Variants in PKD2 observed in about 807,000 individuals in gnomAD.
PKD2 encodes polycystin 2, transient receptor potential cation channel.
A neutral mutation model predicts 105.9 loss-of-function variants in PKD2; 48 were observed. That is an observed-to-expected ratio of 0.45 (90% confidence interval 0.36 to 0.58). The LOEUF (loss-of-function observed/expected upper bound fraction) is 0.58. Ranked by LOEUF, PKD2 falls within the 20% of genes least tolerant of loss-of-function variation. The probability of loss-of-function intolerance (pLI) is 0.00; values close to 1 mark genes in which losing one functional copy is unlikely to be tolerated. For missense variants in PKD2, 1,078 were observed against 1,255.3 expected, an observed-to-expected ratio of 0.86 and a Z score of 2.13; for synonymous variants, 464 against 481.1, an observed-to-expected ratio of 0.96 and a Z score of 0.46.
At chr4:88,050,025 A>C (rs1486017150) in intron 6 of PKD2, among the ~76,000 whole-genome samples, 2 of 129,688 alleles carry the variant, frequency 1.5e-5, no homozygotes, top group Non-Finnish European at 3.1e-5. Context: ...CCCAGACTGG[A>C]GTACAGTGGC....
chr4:88,049,873 C>T (rs1056953544), intron 6 of PKD2, among the ~76,000 whole-genome samples: 2 of 151,410 alleles, frequency 1.3e-5, no homozygotes, highest in Middle Eastern at 3.2e-3. Context: ...GAGCAATAGT[C>T]TTTCAAAACT....
intron 2 of PKD2, 47 bp downstream of exon 2, chr4:88,019,618 T>C (rs749127642): frequency 3.9e-6 from 4 of 1,026,164 alleles, no homozygotes; most frequent in Non-Finnish European, 3.1e-6. Flanking sequence ...TTGAAAAGAT[T>C]TGACCTATCC....
In PKD2 at chr4:88,007,668, G is replaced by T. The variant is rs1726214186; in HGVS notation, c.-66G>T. ...GCGGGCGCCGGGAAGAAAGGAACAT[G>T]GCTCCTGAGGCGCACAGCGCCGAGC... On this transcript the variant is annotated 5_prime_UTR_variant, in exon 1 of 15. It removes an upstream start codon present in the reference 5' UTR. Coordinates refer to ENST00000237596, the MANE Select transcript of PKD2 (RefSeq NM_000297.4). The T allele has an allele frequency of 3.8e-6, 4 of 1,039,808 alleles. No individual in the cohort carries two copies. The highest frequency in any genetic ancestry group is 3.4e-4 in the Middle Eastern group (1 of 2,908). The allele number at this position is 1,039,808 out of a possible 1,614,324, so 64.4% of individuals were successfully genotyped here. A position where few individuals can be genotyped will look rare whatever the true frequency, so the allele number is the denominator to read the frequency against.
intron 2 of PKD2, among the ~76,000 whole-genome samples, chr4:88,032,448 G>C (rs1308600464): frequency 6.6e-6 from 1 of 152,170 alleles, no homozygotes; most frequent in Non-Finnish European, 1.5e-5. Flanking sequence ...CAGATCGTTT[G>C]AGCCCAGCAC....
intron 13 of PKD2, among the ~76,000 whole-genome samples, chr4:88,071,145 T>C (rs1472423117): frequency 6.6e-6 from 1 of 151,960 alleles, no homozygotes; most frequent in African/African-American, 2.4e-5. Context: ...AGCCTCGAAC[T>C]CCTGAACTCA....
In PKD2 at chr4:88,054,071, A is replaced by ATAATAATAATCAAGATAG. The variant is rs1323054148; in HGVS notation, c.1716+1948_1717-1963dup. Among the ~76,000 whole-genome samples the ATAATAATAATCAAGATAG allele has an allele frequency of 7.4e-3, 1,125 of 151,720 alleles. 15 individuals carry two copies. The highest frequency in any genetic ancestry group is 0.026 in the African/African-American group (1,049 of 41,092). Reference sequence around the variant, plus strand: ...AGTTTCCTTGATTATTATTAGTTTAATAATAATAATCAAGATAGTAATAAT... The same window carrying ATAATAATAATCAAGATAG: ...AGTTTCCTTGATTATTATTAGTTTAATAATAATAATCAAGATAGTAATAATAATCAAGATAGTAATAAT... On this transcript the variant is annotated intron_variant, in intron 7 of 14. Transcript: ENST00000237596.
chr4:88,038,064 C>G (rs1233917807), intron 3 of PKD2, among the ~76,000 whole-genome samples, 187 bp from the exon 4 acceptor site: 1 of 152,216 alleles, frequency 6.6e-6, no homozygotes, highest in Non-Finnish European at 1.5e-5. Flanking sequence ...GGACCCTGCT[C>G]AAGGCCTCAT....
At chr4:88,065,659 C>A in intron 11 of PKD2, 103 bp from the exon 12 acceptor site, 1 of 1,170,828 alleles carries the variant, frequency 8.5e-7, no homozygotes, top group Non-Finnish European at 1.3e-6. Context: ...AACTTGCCCC[C>A]ATTTGGTGAT....
chr4:88,065,523 A>G, intron 11 of PKD2, 28 bp downstream of exon 11: 1 of 1,610,678 alleles, frequency 6.2e-7, no homozygotes, highest in East Asian at 2.2e-5. Flanking sequence ...TGAGGTTCTG[A>G]AAAATTCCTG....
chr4:88,033,313 G>A (rs913565139), intron 2 of PKD2, among the ~76,000 whole-genome samples: 5 of 151,978 alleles, frequency 3.3e-5, no homozygotes, highest in Admixed American at 1.3e-4. Flanking sequence ...TGTAGTCCCA[G>A]GTACTCAGGA....
chr4:88,069,068 C>G (rs564515549), intron 13 of PKD2, among the ~76,000 whole-genome samples: 1 of 152,046 alleles, frequency 6.6e-6, no homozygotes, highest in African/African-American at 2.4e-5. Context: ...TAGTAAAATT[C>G]TTTGTTTTAA....
chr4:88,008,370 A>ACGGCCGGCGC, intron 1 of PKD2, 42 bp downstream of exon 1: 1 of 1,280,696 alleles, frequency 7.8e-7, no homozygotes, highest in Non-Finnish European at 1.0e-6. Context: ...ACGAACCAGA[A>ACGGCCGGCGC]CGGCCGGCGC....
Position 88,065,873 on chromosome 4 carries a change from A to G in PKD2, c.2352A>G (p.Lys784=), listed in dbSNP as rs1333908005. The G allele has an allele frequency of 6.3e-7, 1 of 1,589,804 alleles. No individual in the cohort carries two copies. The highest frequency in any genetic ancestry group is 8.6e-7 in the Non-Finnish European group (1 of 1,157,834). The change falls in exon 12 of 15, where the codon AAA becomes AAG. Residue 784 remains lysine, a synonymous_variant. Transcript: ENST00000237596. ...EHQQMRDDLE[K]EREDLDLDHS... is the part of the protein sequence containing the mutation. ...AGCAGATGAGAGACGACTTGGAGAA[A>G]GAGAGGGTGGGTCTGGTTTAGGAGA...
intron 13 of PKD2, among the ~76,000 whole-genome samples, chr4:88,071,652 G>T (rs1027833241): frequency 1.3e-5 from 2 of 151,928 alleles, no homozygotes; most frequent in African/African-American, 4.8e-5. Flanking sequence ...CCCAGGACTT[G>T]TTTTTATTTC....
At position 88,072,659 on chromosome 4, in the gene PKD2, T is replaced by G. The variant is rs1252164875; in HGVS notation, c.2523-2153T>G. 2.0e-5 allele frequency among the ~76,000 whole-genome samples: 3 copies of G among 152,280 alleles called. No homozygotes were observed. The East Asian group carries it at 5.8e-4, about 29-fold the overall frequency. ...TTCTTCTGGCATGGAAACTCCACCCTACAAGTGGGAACTGAGTGGAAGAAG... is the reference window on the plus strand; with the variant it reads ...TTCTTCTGGCATGGAAACTCCACCCGACAAGTGGGAACTGAGTGGAAGAAG... On this transcript the variant is annotated intron_variant, in intron 13 of 14. Coordinates refer to ENST00000237596, the MANE Select transcript of PKD2 (RefSeq NM_000297.4).
chr4:88,022,579 G>A (rs1045402839), intron 2 of PKD2, among the ~76,000 whole-genome samples: 2 of 152,126 alleles, frequency 1.3e-5, no homozygotes, highest in Non-Finnish European at 2.9e-5. Context: ...AACCTTACTG[G>A]CTTCTAGTGA....
intron 5 of PKD2, among the ~76,000 whole-genome samples, chr4:88,043,760 A>C (rs1302230536): frequency 1.3e-5 from 2 of 152,176 alleles, no homozygotes; most frequent in Non-Finnish European, 2.9e-5. Flanking sequence ...TTTACCCATT[A>C]TAAGGATGGT....
chr4:88,054,828 A>G (rs948218524), intron 7 of PKD2, among the ~76,000 whole-genome samples: 3 of 150,032 alleles, frequency 2.0e-5, no homozygotes, highest in Admixed American at 1.3e-4. Flanking sequence ...CTAATTTTTT[A>G]TATTTTTAGT....
chr4:88,067,738 T>G (rs1256710247), intron 12 of PKD2, among the ~76,000 whole-genome samples, 160 bp from the exon 13 acceptor site: 1 of 152,218 alleles, frequency 6.6e-6, no homozygotes, highest in Non-Finnish European at 1.5e-5. Context: ...AATTTGCCAA[T>G]CTATGAAACT....
Sources: allele counts gnomAD v4.1 joint callset (sites outside exome capture counted in the v4.1 genomes callset), GRCh38; gene constraint gnomAD v4.1.1; transcripts MANE v1.5; gene names NCBI Gene and HGNC (gene_info 2026-07-23, HGNC 2026-07-21).